Variants in NID1 observed in about 807,000 individuals in gnomAD.
The protein encoded by NID1 is nidogen 1, also known as nidogen-1.
NID1 carries 76 observed loss-of-function variants against 130.6 expected under a neutral mutation model. The observed-to-expected ratio is 0.58, with a 90% confidence interval of 0.48 to 0.70. The LOEUF is 0.70. Ranked by LOEUF, NID1 falls within the 30% of genes least tolerant of loss-of-function variation. The pLI is 0.00. For missense variants in NID1, 1,517 were observed against 1,664.8 expected, an observed-to-expected ratio of 0.91 and a Z score of 1.54; for synonymous variants, 665 against 675.1, an observed-to-expected ratio of 0.98 and a Z score of 0.23.
At chr1:236,010,580 G>A (rs553292460) in intron 12 of NID1, among the ~76,000 whole-genome samples, 2 of 152,282 alleles carry the variant, frequency 1.3e-5, no homozygotes, top group Admixed American at 6.5e-5. Flanking sequence ...GATTACAGGC[G>A]AGAGCCATGG....
chr1:236,048,816 T>C lies in NID1; in HGVS notation c.399A>G (p.Arg133=). 6.2e-7 allele frequency: 1 copy of C among 1,614,126 alleles called. No individual in the cohort carries two copies. The highest frequency in any genetic ancestry group is 1.3e-5 in the African/African-American group (1 of 75,028). Residue 133 remains arginine, a synonymous_variant, in exon 2 of 20, where the codon CGA becomes CGG. Transcript: ENST00000264187. ...ACCCTCTGTGGACACACTCTGCTGC[T>C]CGCTGAGTGATGGAGGGGGATAAGT... ...REDLSPSITQ[R]AAECVHRGFP...
At chr1:236,031,788 A>G (rs1659108956) in intron 6 of NID1, among the ~76,000 whole-genome samples, 1 of 152,190 alleles carries the variant, frequency 6.6e-6, no homozygotes, top group African/African-American at 2.4e-5. Flanking sequence ...CACAACACCA[A>G]GGAAACATCC....
At chr1:235,984,977 C>A (rs1223350783) in intron 15 of NID1, among the ~76,000 whole-genome samples, 1 of 152,028 alleles carries the variant, frequency 6.6e-6, no homozygotes, top group Non-Finnish European at 1.5e-5. Context: ...ATCACGAGGT[C>A]AGGAGATAGA....
At chr1:236,061,637 C>T (rs1660039269) in intron 1 of NID1, among the ~76,000 whole-genome samples, 1 of 151,698 alleles carries the variant, frequency 6.6e-6, no homozygotes, top group African/African-American at 2.4e-5. Flanking sequence ...GGCTGTTTTT[C>T]GTATTTTTAG....
At chr1:235,980,016 G>A in intron 17 of NID1, 71 bp from the exon 18 acceptor site, 1 of 1,528,158 alleles carries the variant, frequency 6.5e-7, no homozygotes, top group Non-Finnish European at 9.0e-7. Context: ...AAAAACAAGA[G>A]TAATGAGGGC....
chr1:236,064,659 C>G (rs1188871140), intron 1 of NID1, 196 bp downstream of exon 1: 9 of 630,354 alleles, frequency 1.4e-5, no homozygotes, highest in Non-Finnish European at 2.6e-5. Flanking sequence ...GCGACCCGCT[C>G]TTCGGATAGC....
intron 4 of NID1, among the ~76,000 whole-genome samples, chr1:236,041,400 T>C (rs936900309): frequency 6.6e-6 from 1 of 152,056 alleles, no homozygotes; most frequent in African/African-American, 2.4e-5. Context: ...CTTTGATATA[T>C]ATATATTTTT....
rs1480709731 is a variant in NID1, at chr1:236,032,652, C to T, written c.1286G>A (p.Gly429Asp). 1 of 1,613,878 alleles carries T rather than the reference C, an allele frequency of 6.2e-7. No homozygotes were observed. The change falls in exon 6 of 20, where the codon GGT becomes GAT. Residue 429 changes from glycine to aspartate, a missense_variant and splice_region_variant. Coordinates refer to ENST00000264187, the MANE Select transcript of NID1 (RefSeq NM_002508.3). Reference protein sequence around the residue: ...TGNGRQCVAEGSPQRVNGKVK... With the variant: ...TGNGRQCVAEDSPQRVNGKVK... ...CTTGCCATTGACTCGCTGGGGGGAACCTGAGCAAGAAAACAAAGAAAGAAT... is the reference window on the plus strand; with the variant it reads ...CTTGCCATTGACTCGCTGGGGGGAATCTGAGCAAGAAAACAAAGAAAGAAT...
intron 12 of NID1, among the ~76,000 whole-genome samples, chr1:236,002,211 C>T (rs1332796397): frequency 6.6e-6 from 1 of 152,182 alleles, no homozygotes; most frequent in East Asian, 1.9e-4. Flanking sequence ...ACATTAAAGA[C>T]AATAAATCAG....
intron 12 of NID1, among the ~76,000 whole-genome samples, chr1:236,004,195 C>G (rs1658175734): frequency 6.6e-6 from 1 of 152,102 alleles, no homozygotes; most frequent in Admixed American, 6.5e-5. Flanking sequence ...TGGAAGAATG[C>G]AGGAGCTTAC....
In NID1 at chr1:235,980,000, T is replaced by G. The variant is rs1183115007; in HGVS notation, c.3386-55A>C. 2 of 1,577,476 alleles carry G rather than the reference T, an allele frequency of 1.3e-6. No homozygotes were observed. The highest frequency in any genetic ancestry group is 1.7e-6 in the Non-Finnish European group (2 of 1,162,420). On this transcript the variant is annotated intron_variant, in intron 17 of 19. Coordinates refer to ENST00000264187, the MANE Select transcript of NID1 (RefSeq NM_002508.3). The surrounding 1 kb of genome is among the most constrained non-coding windows in gnomAD (Gnocchi z 4.6). ...GTTCACACAAGAAATGGCCCCTTTGTGCAAAAAAAACAAGAGTAATGAGGG... is the reference window on the plus strand; with the variant it reads ...GTTCACACAAGAAATGGCCCCTTTGGGCAAAAAAAACAAGAGTAATGAGGG...
At chr1:236,005,578 T>C (rs1281577954) in intron 12 of NID1, among the ~76,000 whole-genome samples, 1 of 152,212 alleles carries the variant, frequency 6.6e-6, no homozygotes, top group Non-Finnish European at 1.5e-5. Flanking sequence ...ATGTGCTATA[T>C]AAGTGTTAGC....
At position 236,017,287 on chromosome 1, in the gene NID1, T is replaced by G; in HGVS notation, c.2129-14A>C. ...ATTCATCAATATCTGCAGCAAAAAT[T>G]TTTTTTTACTGCAGGCTTTTTTTTA... On this transcript the variant is annotated splice_polypyrimidine_tract_variant and intron_variant, in intron 9 of 19. Transcript: ENST00000264187. The G allele has an allele frequency of 1.9e-6, 3 of 1,612,504 alleles. No individual in the cohort carries two copies. The highest frequency in any genetic ancestry group is 2.5e-6 in the Non-Finnish European group (3 of 1,179,550).
intron 9 of NID1, among the ~76,000 whole-genome samples, chr1:236,021,888 T>G (rs953235610): frequency 6.6e-6 from 1 of 152,178 alleles, no homozygotes; most frequent in African/African-American, 2.4e-5. Flanking sequence ...TATTTGAACT[T>G]AAGTTATAAA....
chr1:235,982,318 T>C (rs1308363908), intron 15 of NID1, among the ~76,000 whole-genome samples: 2 of 152,134 alleles, frequency 1.3e-5, no homozygotes, highest in Middle Eastern at 3.2e-3. Flanking sequence ...CTGGAGACTA[T>C]GAGGGTGGGG....
intron 15 of NID1, among the ~76,000 whole-genome samples, chr1:235,983,537 A>G (rs1657494944): frequency 6.6e-6 from 1 of 152,214 alleles, no homozygotes; most frequent in Non-Finnish European, 1.5e-5. Context: ...AGAGCCACTC[A>G]GATATACGCA....
At position 236,058,503 on chromosome 1, in the gene NID1, C is replaced by T. The variant is rs189013895; in HGVS notation, c.225+6352G>A. Among the ~76,000 whole-genome samples the T allele has an allele frequency of 4.6e-5, 7 of 152,358 alleles. No homozygotes were observed. The East Asian group carries it at 1.2e-3, about 25-fold the overall frequency. On this transcript the variant is annotated intron_variant, in intron 1 of 19. Transcript: ENST00000264187. ...TGTACAATTGTTTCAACCCAACTGA[C>T]AAGAAGGGGATGGACAGAGCACCTA...
At chr1:236,032,302 A>G (rs1659120960) in intron 6 of NID1, 99 bp downstream of exon 6, 4 of 1,447,676 alleles carry the variant, frequency 2.8e-6, no homozygotes, top group Non-Finnish European at 3.8e-6. Flanking sequence ...CATGCTTCTA[A>G]GTTGTCTGCA....
intron 12 of NID1, among the ~76,000 whole-genome samples, chr1:236,006,020 G>A (rs985893641): frequency 6.6e-6 from 1 of 152,216 alleles, no homozygotes; most frequent in African/African-American, 2.4e-5. Context: ...AAGAGCTCCT[G>A]TCTCCTTGTC....
Sources: gnomAD v4.1 joint callset for allele counts (sites outside exome capture counted in the v4.1 genomes callset) on GRCh38, gnomAD v4.1.1 for gene constraint, Gnocchi (gnomAD v3.1) non-coding constraint, MANE v1.5 for transcripts, NCBI Gene and HGNC (gene_info 2026-07-23, HGNC 2026-07-21) for gene names.